ZNF81: variants seen among roughly 807,000 people sequenced by gnomAD.
The protein encoded by ZNF81 is zinc finger protein 81, also known as zinc finger protein 81 (HFZ20).
A neutral mutation model predicts 32.3 loss-of-function variants in ZNF81; 5 were observed. That is an observed-to-expected ratio of 0.15 (90% CI 0.08 to 0.33). ZNF81 has a LOEUF of 0.33. Ranked by LOEUF, ZNF81 falls within the 10% of genes least tolerant of loss-of-function variation. ZNF81 has a pLI of 1.00. For synonymous variants in ZNF81, 163 were observed against 166.8 expected (o/e 0.98, Z 0.17); for missense variants, 379 against 479.8 (o/e 0.79, Z 1.96).
Position 47,916,739 on chromosome X carries a change from T to C in ZNF81, c.*107T>C. The C allele has an allele frequency of 3.4e-6, 3 of 874,052 alleles. No individual in the cohort carries two copies. The highest frequency in any genetic ancestry group is 4.6e-6 in the Non-Finnish European group (3 of 653,151). The allele number at this position is 874,052 out of a possible 1,213,427, so 72.0% of individuals were successfully genotyped here. Reference sequence around the variant, plus strand: ...AGACAGATCCTATATGAATACATTGTATAAGGAAAAGCATCAGGCTATCTC... The same window carrying C: ...AGACAGATCCTATATGAATACATTGCATAAGGAAAAGCATCAGGCTATCTC... On this transcript the variant is annotated 3_prime_UTR_variant, in exon 5 of 5. Coordinates refer to ENST00000338637, the MANE Select transcript of ZNF81 (RefSeq NM_007137.5).
intron 1 of ZNF81, among the ~76,000 whole-genome samples, chrX:47,843,465 A>ACACACACACACACACACACAC (rs1569371652): frequency 2.8e-5 from 3 of 108,006 alleles, no homozygotes; most frequent in African/African-American, 1.0e-4. Flanking sequence ...ACACACACAC[A>ACACACACACACACACACACAC]TTCTTGACTC....
Position 47,841,461 on chromosome X carries a change from A to G in ZNF81, c.-164+4474A>G, listed in dbSNP as rs2058448833. 5.8e-6 allele frequency: 6 copies of G among 1,041,290 alleles called. No individual in the cohort carries two copies. The Admixed American group carries it at 8.8e-5, about 15-fold the overall frequency. The allele number at this position is 1,041,290 out of a possible 1,213,427, so 85.8% of individuals were successfully genotyped here. On this transcript the variant is annotated intron_variant, in intron 1 of 4. Transcript: ENST00000338637. ...AAGGCCAAGGAATGTTTATCTGGCA[A>G]TTCCAAGGCATGAGGTTTCACTTCT...
intron 4 of ZNF81, among the ~76,000 whole-genome samples, chrX:47,910,443 C>T (rs1364556061): frequency 3.6e-5 from 4 of 111,604 alleles, no homozygotes; most frequent in Non-Finnish European, 7.5e-5. Context: ...ACAGACACTT[C>T]TCAAAAGAAG....
chrX:47,885,734 A>G (rs1447714498), intron 2 of ZNF81, among the ~76,000 whole-genome samples: 1 of 111,750 alleles, frequency 8.9e-6, no homozygotes, highest in Non-Finnish European at 1.9e-5. Flanking sequence ...TTAAAAGAAC[A>G]CTAACCCATT....
intron 2 of ZNF81, among the ~76,000 whole-genome samples, chrX:47,849,304 A>G (rs781825000): frequency 8.9e-6 from 1 of 111,785 alleles, no homozygotes; most frequent in Non-Finnish European, 1.9e-5. Flanking sequence ...GTCCATAGTT[A>G]GCATTCCACA....
At chrX:47,880,386 G>A (rs1164766424) in intron 2 of ZNF81, among the ~76,000 whole-genome samples, 1 of 111,661 alleles carries the variant, frequency 9.0e-6, no homozygotes, top group Non-Finnish European at 1.9e-5. Flanking sequence ...TTAATTTTTT[G>A]TATTTTTTGT....
At chrX:47,857,823 T>C (rs1328124422) in intron 2 of ZNF81, among the ~76,000 whole-genome samples, 1 of 111,618 alleles carries the variant, frequency 9.0e-6, no homozygotes, top group African/African-American at 3.3e-5. Flanking sequence ...TGTCTTCTCC[T>C]GTTAGGTGGG....
chrX:47,906,449 C>G (rs1556889176), intron 4 of ZNF81, among the ~76,000 whole-genome samples: 1 of 100,319 alleles, frequency 1.0e-5, no homozygotes, highest in African/African-American at 3.6e-5. Flanking sequence ...AATGAAGTTG[C>G]AAATGAAATT....
chrX:47,864,946 T>A (rs926437157), intron 2 of ZNF81, among the ~76,000 whole-genome samples: 4 of 112,074 alleles, frequency 3.6e-5, no homozygotes, highest in African/African-American at 1.3e-4. Flanking sequence ...GTTACGACAG[T>A]GGCCTTGCAT....
intron 3 of ZNF81, among the ~76,000 whole-genome samples, chrX:47,893,804 A>G (rs1177695611): frequency 1.3e-5 from 1 of 74,385 alleles, no homozygotes; most frequent in Non-Finnish European, 2.7e-5. Flanking sequence ...CAAAAAAAAA[A>G]AAGAAAAAAT....
rs1408620367 is a variant in ZNF81, at chrX:47,922,709, C to T, written c.*6077C>T. 1.8e-5 allele frequency among the ~76,000 whole-genome samples: 2 copies of T among 111,514 alleles called. No individual in the cohort carries two copies. Among genetic ancestry groups the T allele is most frequent in the Non-Finnish European group, 3.8e-5 (2 of 53,130 alleles). ...TGACTAAGAAGCATATTTCTTTCCT[C>T]GGGCTGCTATAACAAAGTACCACAA... On this transcript the variant is annotated 3_prime_UTR_variant, in exon 5 of 5. Coordinates refer to ENST00000338637, the MANE Select transcript of ZNF81 (RefSeq NM_007137.5).
Position 47,916,139 on chromosome X carries a change from A to G in ZNF81, c.1493A>G (p.Tyr498Cys), listed in dbSNP as rs931085005. 35 of 1,210,086 alleles carry G rather than the reference A, an allele frequency of 2.9e-5. No homozygotes were observed. The highest frequency in any genetic ancestry group is 3.8e-5 in the Non-Finnish European group (34 of 895,252). ...HKRIHTGEKPYICTECGKAFT... is the reference protein window; with the variant it reads ...HKRIHTGEKPCICTECGKAFT... ...AGAATTCATACAGGAGAGAAACCCT[A>G]TATATGCACTGAATGTGGGAAGGCT... The change falls in exon 5 of 5, where the codon TAT becomes TGT. Residue 498 changes from tyrosine to cysteine, a missense_variant. Physicochemically the swap from Tyr to Cys is radical, Grantham distance 194 (BLOSUM62 -2). Transcript: ENST00000338637.
chrX:47,878,604 G>A (rs1271070204), intron 2 of ZNF81, among the ~76,000 whole-genome samples: 1 of 112,148 alleles, frequency 8.9e-6, no homozygotes, highest in African/African-American at 3.2e-5. Context: ...CCTACTTCCT[G>A]GCACTTAGTG....
At chrX:47,857,615 C>G (rs184689405) in intron 2 of ZNF81, among the ~76,000 whole-genome samples, 1 of 111,254 alleles carries the variant, frequency 9.0e-6, no homozygotes, top group East Asian at 2.8e-4. Context: ...TTCCAGTTAT[C>G]TCCTCTCTTT....
chrX:47,850,400 C>T (rs377145880), intron 2 of ZNF81, among the ~76,000 whole-genome samples: 68 of 103,720 alleles, frequency 6.6e-4, no homozygotes, highest in African/African-American at 2.2e-3. Context: ...TGGATAAATA[C>T]ATTGAACATA....
intron 4 of ZNF81, among the ~76,000 whole-genome samples, chrX:47,905,954 A>T (rs1556889134): frequency 9.1e-6 from 1 of 109,388 alleles, no homozygotes; most frequent in East Asian, 2.9e-4. Flanking sequence ...AAATATATAT[A>T]GTCCTGTCTA....
intron 1 of ZNF81, chrX:47,841,645 C>T: frequency 3.7e-6 from 4 of 1,081,655 alleles, no homozygotes; most frequent in Non-Finnish European, 5.1e-6. Flanking sequence ...AAACCTTCCT[C>T]TTTTTTCAGG....
intron 2 of ZNF81, among the ~76,000 whole-genome samples, chrX:47,854,846 A>G (rs2058509857): frequency 8.9e-6 from 1 of 112,099 alleles, no homozygotes; most frequent in Non-Finnish European, 1.9e-5. Context: ...CTGTAATCTC[A>G]GCACTTTGGG....
intron 4 of ZNF81, among the ~76,000 whole-genome samples, chrX:47,903,982 T>C (rs1490427143): frequency 9.1e-6 from 1 of 110,060 alleles, no homozygotes; most frequent in Non-Finnish European, 1.9e-5. Flanking sequence ...ATTTAATAAA[T>C]GGTGCTGGGA....
Sources: gnomAD v4.1 joint callset for allele counts (sites outside exome capture counted in the v4.1 genomes callset) on GRCh38, gnomAD v4.1.1 for gene constraint, MANE v1.5 for transcripts, NCBI Gene and HGNC (gene_info 2026-07-23, HGNC 2026-07-21) for gene names.